The following BICD1 variants were observed in gnomAD, a reference collection of about 807,000 sequenced individuals.
The protein encoded by BICD1 is BICD cargo adaptor 1, also known as protein bicaudal D homolog 1.
BICD1 carries 35 observed loss-of-function variants against 92.5 expected under a neutral mutation model. The observed-to-expected ratio is 0.38, with a 90% CI of 0.29 to 0.50. The LOEUF is 0.50. Among genes scored for constraint, BICD1 ranks in the 20% least tolerant of loss-of-function variants. BICD1 has a pLI of 0.93. For synonymous variants in BICD1, 429 were observed against 465.1 expected, an observed-to-expected ratio of 0.92 and a Z score of 1.00; for missense variants, 950 against 1,189.8, an observed-to-expected ratio of 0.80 and a Z score of 2.97.
At chr12:32,200,077 T>G (rs1428795192) in intron 1 of BICD1, among the ~76,000 whole-genome samples, 3 of 152,216 alleles carry the variant, frequency 2.0e-5, no homozygotes, top group African/African-American at 7.2e-5. Context: ...CCTGCCACAC[T>G]GGTGCTCCAG....
chr12:32,284,787 C>T (rs768669014), intron 2 of BICD1, among the ~76,000 whole-genome samples: 8 of 152,144 alleles, frequency 5.3e-5, no homozygotes, highest in African/African-American at 9.7e-5. Flanking sequence ...CACACTAAAC[C>T]GCACCGTTCC....
chr12:32,253,902 C>CCT (rs1946637812), intron 2 of BICD1, among the ~76,000 whole-genome samples: 1 of 85,866 alleles, frequency 1.2e-5, no homozygotes, highest in Admixed American at 1.3e-4. Context: ...TAATCACTGC[C>CCT]ATATCCCACC....
intron 1 of BICD1, among the ~76,000 whole-genome samples, chr12:32,189,899 A>G (rs938843627): frequency 7.2e-5 from 11 of 152,066 alleles, no homozygotes; most frequent in African/African-American, 2.7e-4. Context: ...GGGTTTCACC[A>G]TGTTGGCCAG....
intron 9 of BICD1, among the ~76,000 whole-genome samples, chr12:32,377,019 C>T (rs76425284): frequency 0.059 from 8,957 of 152,202 alleles, 380 homozygotes; most frequent in Middle Eastern, 0.15. Context: ...ATAGAATCCT[C>T]TAAACTCCAA....
intron 1 of BICD1, among the ~76,000 whole-genome samples, chr12:32,184,879 A>G (rs1638628581): frequency 6.6e-6 from 1 of 152,216 alleles, no homozygotes; most frequent in African/African-American, 2.4e-5. Flanking sequence ...CTATATGCCT[A>G]CAGAACCAAT....
chr12:32,342,204 G>GTGTGTATATATATATATATATATATA (rs375823999), intron 8 of BICD1, among the ~76,000 whole-genome samples: 2 of 119,302 alleles, frequency 1.7e-5, no homozygotes, highest in African/African-American at 6.4e-5. Context: ...GTGTGTGTGT[G>GTGTGTATATATATATATATATATATA]TATATATATA....
intron 8 of BICD1, among the ~76,000 whole-genome samples, chr12:32,358,688 G>A (rs1939211767): frequency 6.6e-6 from 1 of 152,018 alleles, no homozygotes; most frequent in Non-Finnish European, 1.5e-5. Flanking sequence ...AGTGAGCCGA[G>A]ATTGCACCAC....
intron 5 of BICD1, among the ~76,000 whole-genome samples, chr12:32,334,083 A>G (rs1048144344): frequency 5.9e-5 from 9 of 152,182 alleles, no homozygotes; most frequent in Non-Finnish European, 1.2e-4. Flanking sequence ...AGCACAGGTG[A>G]CAAAATTTGA....
rs1280079555 is a variant in BICD1 at position 32,379,486 on chromosome 12, G to C, written c.*1859G>C. 1 of 152,226 alleles carries C rather than the reference G, an allele frequency of 6.6e-6. No homozygotes were observed. Among genetic ancestry groups the C allele is most frequent in the Non-Finnish European group, 1.5e-5 (1 of 68,050 alleles). 9.4% of individuals were successfully genotyped at this position (152,226 alleles called of 1,614,324 possible). ...CAGAAACAAAACGATTCGACATGAA[G>C]TTCCCAACCATAGCAGCCTAACCTT... On this transcript the variant is annotated 3_prime_UTR_variant, in exon 10 of 10. Coordinates refer to ENST00000652176, the MANE Select transcript of BICD1 (RefSeq NM_001714.4).
chr12:32,383,624 GTTCAT>G (rs1047118983), exon 10 of BICD1: 1 of 151,946 alleles, frequency 6.6e-6, no homozygotes, highest in Non-Finnish European at 1.5e-5. Flanking sequence ...GTTATTTTTT[GTTCAT>G]TTCATTAATG....
At chr12:32,359,635 A>G (rs1336406237) in intron 8 of BICD1, among the ~76,000 whole-genome samples, 1 of 152,168 alleles carries the variant, frequency 6.6e-6, no homozygotes, top group Non-Finnish European at 1.5e-5. Flanking sequence ...CACATTGGAG[A>G]TTAAGTATCA....
intron 2 of BICD1, among the ~76,000 whole-genome samples, chr12:32,248,679 G>C (rs1946449361): frequency 6.6e-6 from 1 of 152,160 alleles, no homozygotes; most frequent in Non-Finnish European, 1.5e-5. Context: ...CAAGATGCAG[G>C]ATTTTGGCTC....
chr12:32,260,552 T>C (rs1280855641), intron 2 of BICD1, among the ~76,000 whole-genome samples: 1 of 152,204 alleles, frequency 6.6e-6, no homozygotes, highest in East Asian at 1.9e-4. Flanking sequence ...TACATATACA[T>C]TCCAAAGTAA....
intron 2 of BICD1, among the ~76,000 whole-genome samples, chr12:32,262,661 T>C (rs1946887469): frequency 6.6e-6 from 1 of 152,110 alleles, no homozygotes; most frequent in African/African-American, 2.4e-5. Flanking sequence ...AGTATCCTTA[T>C]AAGAGACAGC....
intron 1 of BICD1, among the ~76,000 whole-genome samples, chr12:32,134,300 C>T (rs1942654359): frequency 6.6e-6 from 1 of 152,086 alleles, no homozygotes; most frequent in Non-Finnish European, 1.5e-5. Flanking sequence ...TGCTATGGTC[C>T]CCGAGGGCCA....
chr12:32,113,648 A>AT (rs1941780783), intron 1 of BICD1, among the ~76,000 whole-genome samples: 1 of 151,114 alleles, frequency 6.6e-6, no homozygotes, highest in Non-Finnish European at 1.5e-5. Flanking sequence ...GGTTCAAGTG[A>AT]TTCTCCTGCC....
chr12:32,377,483 T>C lies in BICD1; in HGVS notation c.2841-57T>C, dbSNP rs932836889. On this transcript the variant is annotated intron_variant, in intron 9 of 9. Transcript: ENST00000652176. ...AAAATATCTCGTCTAACCCCTACCA[T>C]TGTGCCTGGCCCTTTGAAATGTGTT... 17 of 1,381,318 alleles carry C rather than the reference T, an allele frequency of 1.2e-5. No homozygotes were observed. In the African/African-American group the frequency reaches 1.9e-4, roughly 15 times the overall value. 85.6% of individuals were successfully genotyped at this position (1,381,318 alleles called of 1,614,324 possible). A position where few individuals can be genotyped will look rare whatever the true frequency, so the allele number is the denominator to read the frequency against.
At chr12:32,356,212 C>A (rs1032465019) in intron 8 of BICD1, among the ~76,000 whole-genome samples, 2 of 152,130 alleles carry the variant, frequency 1.3e-5, no homozygotes, top group African/African-American at 4.8e-5. Flanking sequence ...AAAACTGAGG[C>A]TAAGAACAGT....
intron 3 of BICD1, among the ~76,000 whole-genome samples, chr12:32,296,941 G>T (rs1052308245): frequency 3.3e-5 from 5 of 152,140 alleles, no homozygotes; most frequent in Non-Finnish European, 7.4e-5. Flanking sequence ...TAACTCAGAA[G>T]TTTTTTAAAA....
Sources: gnomAD v4.1 joint callset for allele counts (sites outside exome capture counted in the v4.1 genomes callset) on GRCh38, gnomAD v4.1.1 for gene constraint, MANE v1.5 for transcripts, NCBI Gene and HGNC (gene_info 2026-07-23, HGNC 2026-07-21) for gene names.